NDUFA10: variants seen among roughly 807,000 people sequenced by gnomAD.
NDUFA10 encodes NADH dehydrogenase [ubiquinone] 1 alpha subcomplex subunit 10, mitochondrial.
In NDUFA10, 40 loss-of-function variants were observed where a neutral mutation model predicts 47.8. That is an observed-to-expected ratio of 0.84 (90% CI 0.65 to 1.09). The LOEUF (loss-of-function observed/expected upper bound fraction) is 1.09, where lower values mean the gene tolerates loss of function less well. NDUFA10 is among the 50% of genes least tolerant of loss of function. The pLI, the probability that NDUFA10 is intolerant of heterozygous loss-of-function variation, is 0.00. For synonymous variants in NDUFA10, 183 were observed against 172.2 expected, an observed-to-expected ratio of 1.06 and a Z score of -0.49; for missense variants, 413 against 451.1, an observed-to-expected ratio of 0.92 and a Z score of 0.76.
intron 4 of NDUFA10, among the ~76,000 whole-genome samples, chr2:239,949,483 A>G (rs539185705): frequency 5.3e-5 from 8 of 152,190 alleles, no homozygotes; most frequent in Non-Finnish European, 1.2e-4. Context: ...AGGTGGTGGA[A>G]GAAAGAATTC....
At chr2:239,919,393 G>A (rs1209101466) in intron 4 of NDUFA10, among the ~76,000 whole-genome samples, 1 of 151,238 alleles carries the variant, frequency 6.6e-6, no homozygotes, top group Non-Finnish European at 1.5e-5. Context: ...TACTCGACTA[G>A]CCTACTTCTG....
chr2:239,977,987 G>C (rs1695596959), intron 9 of NDUFA10, among the ~76,000 whole-genome samples: 1 of 152,172 alleles, frequency 6.6e-6, no homozygotes, highest in Non-Finnish European at 1.5e-5. Context: ...GACTAGGTTG[G>C]GGTCCTATGA....
downstream of NDUFA10, among the ~76,000 whole-genome samples, chr2:239,955,175 A>G (rs1196756653): frequency 6.6e-6 from 1 of 152,196 alleles, no homozygotes; most frequent in Non-Finnish European, 1.5e-5. Context: ...CTATGGATAG[A>G]AAATATGTGA....
intron 9 of NDUFA10, among the ~76,000 whole-genome samples, chr2:239,979,982 C>A (rs1695704689): frequency 6.6e-6 from 1 of 152,010 alleles, no homozygotes; most frequent in African/African-American, 2.4e-5. Flanking sequence ...CCCCTACACC[C>A]CCACATCCCT....
At chr2:240,011,594 A>C in intron 6 of NDUFA10, 23 bp downstream of exon 6, 1 of 1,587,900 alleles carries the variant, frequency 6.3e-7, no homozygotes, top group Non-Finnish European at 8.6e-7. Context: ...TAGCCCTGTA[A>C]ATCAGTCGTG....
intron 4 of NDUFA10, among the ~76,000 whole-genome samples, chr2:239,900,195 T>C (rs886134786): frequency 6.6e-6 from 1 of 152,114 alleles, no homozygotes; most frequent in Non-Finnish European, 1.5e-5. Flanking sequence ...AAGGCTGTAC[T>C]GTTGGCTTCC....
intron 8 of NDUFA10, among the ~76,000 whole-genome samples, chr2:239,997,156 A>C (rs1234325584): frequency 6.6e-6 from 1 of 152,094 alleles, no homozygotes; most frequent in South Asian, 2.1e-4. Flanking sequence ...GGCTGACTAT[A>C]TTAGAAAAGA....
chr2:239,899,074 ATGG>A (rs1693472574), intron 4 of NDUFA10, among the ~76,000 whole-genome samples: 1 of 15,124 alleles, frequency 6.6e-5, no homozygotes, highest in East Asian at 1.7e-3. Context: ...GAGGGGTGTG[ATGG>A]AGGAGTGTGG....
rs1694735003 is a variant in NDUFA10, at chr2:239,958,902, C to A, written c.*2216G>T. 5.1e-6 allele frequency: 5 copies of A among 976,702 alleles called. No homozygotes were observed. The South Asian group carries it at 1.9e-4, about 37-fold the overall frequency. The allele number at this position is 976,702 out of a possible 1,614,324, so 60.5% of individuals were successfully genotyped here. A position where few individuals can be genotyped will look rare whatever the true frequency, so the allele number is the denominator to read the frequency against. ...AGCACTGAGAAGTCCAACATGGAAT[C>A]CTGGAAAATGCACGATTATTTTGAT... On this transcript the variant is annotated 3_prime_UTR_variant, in exon 10 of 10. Coordinates refer to ENST00000252711, the MANE Select transcript of NDUFA10 (RefSeq NM_004544.4).
At chr2:240,015,943 G>C (rs115128762) in intron 4 of NDUFA10, among the ~76,000 whole-genome samples, 1,626 of 152,286 alleles carry the variant, frequency 0.011, 25 homozygotes, top group African/African-American at 0.037. Context: ...GATCACTGGA[G>C]CCCAGGAGTT....
At chr2:239,930,296 C>T (rs1694145132) in intron 4 of NDUFA10, among the ~76,000 whole-genome samples, 1 of 151,824 alleles carries the variant, frequency 6.6e-6, no homozygotes, top group African/African-American at 2.4e-5. Flanking sequence ...CCTCTGCCAC[C>T]CCTGCTCCTC....
intron 4 of NDUFA10, among the ~76,000 whole-genome samples, chr2:239,929,939 C>T (rs1458170467): frequency 2.7e-5 from 4 of 146,796 alleles, no homozygotes; most frequent in South Asian, 2.2e-4. Context: ...CCTCCACTGC[C>T]CCTGCTCCTC....
Position 239,948,018 on chromosome 2 carries a change from T to A in NDUFA10, c.294+42056A>T, listed in dbSNP as rs191788561. Among the ~76,000 whole-genome samples the A allele has an allele frequency of 4.7e-4, 71 of 152,320 alleles. 1 individual carries two copies. The South Asian group carries it at 7.2e-3, about 16-fold the overall frequency. On this transcript the variant is annotated intron_variant, in intron 4 of 5. Coordinates refer to the NDUFA10 transcript ENST00000419408. ...GTCTTCCGAGGCCAAGTTAGCCAATTTACATCCTCTGGTGGTGAGGTGGAG... is the reference window on the plus strand; with the variant it reads ...GTCTTCCGAGGCCAAGTTAGCCAATATACATCCTCTGGTGGTGAGGTGGAG...
intron 8 of NDUFA10, among the ~76,000 whole-genome samples, chr2:239,993,871 A>G (rs778316657): frequency 2.6e-5 from 4 of 152,154 alleles, no homozygotes; most frequent in Non-Finnish European, 5.9e-5. Flanking sequence ...AGGTTCCACC[A>G]GGATTCAAGC....
intron 4 of NDUFA10, among the ~76,000 whole-genome samples, chr2:239,899,275 G>A (rs1265234517): frequency 6.3e-4 from 2 of 3,158 alleles, no homozygotes; most frequent in East Asian, 0.013. Flanking sequence ...GGAGGGGTGT[G>A]ACGGAGGGGT....
intron 9 of NDUFA10, chr2:239,982,057 G>A: frequency 1.9e-6 from 3 of 1,607,090 alleles, no homozygotes; most frequent in Non-Finnish European, 2.5e-6. Flanking sequence ...ACGTTCTGTG[G>A]AATGTCCTCA....
At chr2:240,021,151 T>C (rs753056996) in intron 3 of NDUFA10, 46 bp downstream of exon 3, 2 of 1,523,356 alleles carry the variant, frequency 1.3e-6, no homozygotes, top group African/African-American at 2.7e-5. Context: ...AATTCTAGAA[T>C]AGTGTTCAAG....
intron 4 of NDUFA10, chr2:240,018,018 C>A: frequency 1.2e-6 from 1 of 853,782 alleles, no homozygotes; most frequent in Non-Finnish European, 1.9e-6. Context: ...CAAGGTCAGC[C>A]TGCTTCAAAC....
rs115884837 is a variant in NDUFA10, at chr2:240,021,431, G to A, written c.245-19C>T. 3,514 of 1,607,100 alleles carry A rather than the reference G, an allele frequency of 2.2e-3. 52 individuals carry two copies. In the African/African-American group the frequency reaches 0.04, roughly 18 times the overall value. ...TTGAAGCCTGAAAAGAGAAACAGTC[G>A]GATGCAGTCTGATGCACATCACTCA... On this transcript the variant is annotated intron_variant, in intron 2 of 9. Coordinates refer to ENST00000252711, the MANE Select transcript of NDUFA10 (RefSeq NM_004544.4).
Sources: gnomAD v4.1 joint callset for allele counts (sites outside exome capture counted in the v4.1 genomes callset) on GRCh38, gnomAD v4.1.1 for gene constraint, MANE v1.5 for transcripts, NCBI Gene and HGNC (gene_info 2026-07-23, HGNC 2026-07-21) for gene names.